PHF2: variants seen among roughly 807,000 people sequenced by gnomAD.
PHF2 encodes the protein PHD finger protein 2.
A neutral mutation model predicts 120.5 loss-of-function variants in PHF2; 27 were observed. That is an observed-to-expected ratio of 0.22 (90% confidence interval 0.17 to 0.31). PHF2 has a LOEUF of 0.31. PHF2 is among the 10% of genes least tolerant of loss of function. The pLI is 1.00. For missense variants in PHF2, 1,024 were observed against 1,434.8 expected, an observed-to-expected ratio of 0.71 and a Z score of 4.63; for synonymous variants, 568 against 592.5, an observed-to-expected ratio of 0.96 and a Z score of 0.60.
chr9:93,629,837 C>T (rs1195951264), intron 1 of PHF2, 133 bp from the exon 2 acceptor site: 9 of 810,308 alleles, frequency 1.1e-5, no homozygotes, highest in Non-Finnish European at 1.9e-5. Flanking sequence ...AGAACACTGT[C>T]CCTGCACAGC....
chr9:93,578,335 C>A (rs1256389343), intron 1 of PHF2, among the ~76,000 whole-genome samples: 11 of 152,194 alleles, frequency 7.2e-5, no homozygotes, highest in Admixed American at 7.2e-4. Flanking sequence ...CCGGGCTCTG[C>A]CCAGAACAGG....
chr9:93,581,364 G>A (rs927872246), intron 1 of PHF2, among the ~76,000 whole-genome samples: 13 of 152,182 alleles, frequency 8.5e-5, no homozygotes, highest in Non-Finnish European at 1.8e-4. Context: ...TCAAATCTGG[G>A]TGATCAGAAC....
chr9:93,619,916 C>T (rs1236752607), intron 1 of PHF2, among the ~76,000 whole-genome samples: 1 of 152,238 alleles, frequency 6.6e-6, no homozygotes, highest in Non-Finnish European at 1.5e-5. Context: ...TGTGGCCAGG[C>T]ACCGCCTCTC....
At chr9:93,580,174 A>G (rs1223149494) in intron 1 of PHF2, among the ~76,000 whole-genome samples, 1 of 151,414 alleles carries the variant, frequency 6.6e-6, no homozygotes, top group African/African-American at 2.4e-5. Flanking sequence ...GTGGCTCATC[A>G]CTCCTGGGGT....
intron 2 of PHF2, among the ~76,000 whole-genome samples, chr9:93,634,766 C>T (rs2131660561): frequency 6.6e-6 from 1 of 152,336 alleles, no homozygotes; most frequent in Admixed American, 6.5e-5. Flanking sequence ...GTGCTGGGCC[C>T]AGTACTGGGC....
intron 13 of PHF2, among the ~76,000 whole-genome samples, chr9:93,663,311 C>T (rs1826611951): frequency 1.3e-5 from 2 of 152,150 alleles, no homozygotes; most frequent in East Asian, 1.9e-4. Context: ...CATTCCCACT[C>T]CATGGGGGTC....
chr9:93,594,144 C>T (rs1242138934), intron 1 of PHF2, among the ~76,000 whole-genome samples: 5 of 151,854 alleles, frequency 3.3e-5, no homozygotes, highest in Admixed American at 2.6e-4. Context: ...CTCACCCTTC[C>T]GGAGATATCT....
At chr9:93,640,607 A>T (rs1826159007) in intron 3 of PHF2, among the ~76,000 whole-genome samples, 1 of 152,086 alleles carries the variant, frequency 6.6e-6, no homozygotes, top group African/African-American at 2.4e-5. Context: ...ATGTTCTTAC[A>T]TGTTGTCAGC....
intron 4 of PHF2, among the ~76,000 whole-genome samples, chr9:93,648,452 A>T (rs1826300272): frequency 6.6e-6 from 1 of 152,202 alleles, no homozygotes; most frequent in African/African-American, 2.4e-5. Context: ...ATCTGTCCAC[A>T]CTAAACCCCA....
intron 5 of PHF2, 46 bp from the exon 6 acceptor site, chr9:93,653,133 A>G (rs974181291): frequency 1.3e-6 from 2 of 1,575,616 alleles, no homozygotes; most frequent in African/African-American, 2.7e-5. Flanking sequence ...GGGAAATAAA[A>G]AAGGGAGTCC....
At chr9:93,636,569 A>T in intron 3 of PHF2, 44 bp downstream of exon 3, 1 of 1,286,076 alleles carries the variant, frequency 7.8e-7, no homozygotes, top group Non-Finnish European at 1.1e-6. Flanking sequence ...CAGCCAGGGG[A>T]TGCACACTCT....
chr9:93,675,101 C>T, intron 19 of PHF2, 79 bp downstream of exon 19: 2 of 1,169,400 alleles, frequency 1.7e-6, no homozygotes, highest in Non-Finnish European at 2.5e-6. Context: ...CCCTCCAGCC[C>T]CTGAGAATGT....
intron 3 of PHF2, among the ~76,000 whole-genome samples, chr9:93,642,573 T>C (rs1263142112): frequency 6.6e-6 from 1 of 152,266 alleles, no homozygotes; most frequent in African/African-American, 2.4e-5. Context: ...AGGTATTTTA[T>C]TGTCTTTTGA....
At chr9:93,654,914 C>T (rs1826431809) in intron 7 of PHF2, among the ~76,000 whole-genome samples, 1 of 152,200 alleles carries the variant, frequency 6.6e-6, no homozygotes, top group African/African-American at 2.4e-5. Flanking sequence ...TATGACCGAG[C>T]CCATGGCTGG....
chr9:93,646,453 G>A (rs1826261979), intron 4 of PHF2, among the ~76,000 whole-genome samples: 1 of 152,216 alleles, frequency 6.6e-6, no homozygotes, highest in Non-Finnish European at 1.5e-5. Context: ...GCTTCAAGGT[G>A]CTCATGGGGG....
chr9:93,660,326 G>T lies in PHF2; in HGVS notation c.1464G>T (p.Val488=). The T allele has an allele frequency of 6.2e-7, 1 of 1,609,502 alleles. No homozygotes were observed. The highest frequency in any genetic ancestry group is 8.5e-7 in the Non-Finnish European group (1 of 1,178,316). Residue 488 remains valine, a synonymous_variant, in exon 12 of 22, where the codon GTG becomes GTT. Transcript: ENST00000359246. The part of the protein sequence containing the change: ...ATPPQSLLEK[V]SKKKTPKTVK... ...CGCCTCAATCCCTCCTGGAGAAAGT[G>T]TCCAAAAAAAAGACTCCCAAAACTG...
chr9:93,606,354 C>T (rs912829255), intron 1 of PHF2, among the ~76,000 whole-genome samples: 3 of 152,124 alleles, frequency 2.0e-5, no homozygotes, highest in African/African-American at 7.2e-5. Context: ...AATGAGAGTT[C>T]GTGTTGCTCT....
At chr9:93,579,164 A>G (rs1862888946) in intron 1 of PHF2, among the ~76,000 whole-genome samples, 1 of 152,050 alleles carries the variant, frequency 6.6e-6, no homozygotes, top group Non-Finnish European at 1.5e-5. Flanking sequence ...TCATCAGTAA[A>G]ATGAACGTGT....
chr9:93,677,033 G>A lies in PHF2; in HGVS notation c.3202+70G>A. 1 of 1,433,792 alleles carries A rather than the reference G, an allele frequency of 7.0e-7. No homozygotes were observed. Among genetic ancestry groups the A allele is most frequent in the Non-Finnish European group, 9.3e-7 (1 of 1,080,488 alleles). The allele number at this position is 1,433,792 out of a possible 1,614,324, so 88.8% of individuals were successfully genotyped here. A position where few individuals can be genotyped will look rare whatever the true frequency, so the allele number is the denominator to read the frequency against. On this transcript the variant is annotated intron_variant, in intron 21 of 21. Coordinates refer to ENST00000359246, the MANE Select transcript of PHF2 (RefSeq NM_005392.4). The surrounding 1 kb of genome is among the most constrained non-coding windows in gnomAD (Gnocchi z 4.4). ...TGCCCCCATGGGCAGCCCCAGACAT[G>A]CAGACTCGGCCCATGGTAGAGGGCA... is the stretch of plus-strand genomic sequence containing the variant.
Sources: gnomAD v4.1 joint callset for allele counts (sites outside exome capture counted in the v4.1 genomes callset) on GRCh38, gnomAD v4.1.1 for gene constraint, Gnocchi (gnomAD v3.1) non-coding constraint, MANE v1.5 for transcripts, NCBI Gene and HGNC (gene_info 2026-07-23, HGNC 2026-07-21) for gene names.